USP4: variants seen among roughly 807,000 people sequenced by gnomAD.
The protein encoded by USP4 is ubiquitin carboxyl-terminal hydrolase 4.
In USP4, 72 loss-of-function variants were observed where a neutral mutation model predicts 118.2. The ratio of observed to expected loss-of-function variants is 0.61; its 90% confidence interval spans 0.50 to 0.74. USP4 has a LOEUF of 0.74. USP4 is among the 30% of genes least tolerant of loss of function. USP4 has a pLI of 0.00. For synonymous variants in USP4, 415 were observed against 440.4 expected, an observed-to-expected ratio of 0.94 and a Z score of 0.72; for missense variants, 1,037 against 1,185.7, an observed-to-expected ratio of 0.87 and a Z score of 1.84.
intron 18 of USP4, 140 bp downstream of exon 18, chr3:49,284,326 C>CAGAGGATT (rs1414482350): frequency 9.6e-7 from 1 of 1,041,274 alleles, no homozygotes; most frequent in African/African-American, 1.6e-5. Flanking sequence ...CCTCAACTCA[C>CAGAGGATT]AGAGGATTAT....
At chr3:49,286,532 G>C (rs930325501) in intron 15 of USP4, among the ~76,000 whole-genome samples, 1 of 151,940 alleles carries the variant, frequency 6.6e-6, no homozygotes, top group African/African-American at 2.4e-5. Flanking sequence ...GCTATTCCAC[G>C]ATGAGGAGGC....
intron 15 of USP4, among the ~76,000 whole-genome samples, chr3:49,289,592 C>T (rs1346005560): frequency 6.6e-6 from 1 of 152,084 alleles, no homozygotes; most frequent in Non-Finnish European, 1.5e-5. Flanking sequence ...ATATTGAGGC[C>T]GGGTGCAGTA....
At chr3:49,298,372 TGGAA>T (rs1392589991) in intron 12 of USP4, among the ~76,000 whole-genome samples, 176 bp downstream of exon 12, 1 of 152,152 alleles carries the variant, frequency 6.6e-6, no homozygotes, top group East Asian at 1.9e-4. Context: ...TTCCTGGAGC[TGGAA>T]GGGACAGTCT....
Position 49,284,578 on chromosome 3 carries a change from C to T in USP4, c.2278G>A (p.Glu760Lys), listed in dbSNP as rs566756099. 13 of 1,613,804 alleles carry T rather than the reference C, an allele frequency of 8.1e-6. No homozygotes were observed. Among genetic ancestry groups the T allele is most frequent in the South Asian group, 5.5e-5 (5 of 91,072 alleles). The change falls in exon 18 of 22, where the codon GAG becomes AAG. Residue 760 changes from glutamate (E) to lysine (K), a missense_variant. By Grantham distance (56) the Glu-to-Lys change is moderately conservative (BLOSUM62 1). Transcript: ENST00000265560. ...GGCTGCAACATGCTCACATGCTTCT[C>T]GTAGGCCTATGGGAATCAAAGCACT... ...YYDEQESEAYEKHVSMLQPQK... is the reference protein window; with the variant it reads ...YYDEQESEAYKKHVSMLQPQK...
At chr3:49,330,716 G>A (rs2047607922) in intron 2 of USP4, among the ~76,000 whole-genome samples, 4 of 152,022 alleles carry the variant, frequency 2.6e-5, no homozygotes, top group Admixed American at 1.3e-4. Flanking sequence ...GAGGCTGGAG[G>A]CTGGAGGCCG....
At chr3:49,282,751 A>G (rs1365587202) in intron 19 of USP4, among the ~76,000 whole-genome samples, 1 of 148,742 alleles carries the variant, frequency 6.7e-6, no homozygotes, top group East Asian at 2.0e-4. Context: ...TCTGTTGCTG[A>G]GGCTGGAGTG....
At chr3:49,339,189 G>A (rs2047706623) in intron 1 of USP4, among the ~76,000 whole-genome samples, 1 of 152,080 alleles carries the variant, frequency 6.6e-6, no homozygotes, top group Non-Finnish European at 1.5e-5. Context: ...AATCATACTC[G>A]ATGCAAAGTC....
chr3:49,319,502 T>TGCCTCC (rs1330341313), intron 6 of USP4, among the ~76,000 whole-genome samples: 3 of 152,140 alleles, frequency 2.0e-5, no homozygotes, highest in South Asian at 2.1e-4. Flanking sequence ...TGCCTGCCTC[T>TGCCTCC]GCCTCCCAAA....
rs906338884 is a variant in USP4 at position 49,278,182 on chromosome 3, T to C, written c.*111A>G. 11 of 1,187,616 alleles carry C rather than the reference T, an allele frequency of 9.3e-6. No homozygotes were observed. The Admixed American group carries it at 1.1e-4, about 12-fold the overall frequency. 73.6% of individuals were successfully genotyped at this position (1,187,616 alleles called of 1,614,324 possible). On this transcript the variant is annotated 3_prime_UTR_variant, in exon 22 of 22. Transcript: ENST00000265560. Reference sequence around the variant, plus strand: ...TTTCCTTCTGCTCATAAAAGAAGGGTATTTCCTTGTCTGGTTTTTAGACAG... The same window carrying C: ...TTTCCTTCTGCTCATAAAAGAAGGGCATTTCCTTGTCTGGTTTTTAGACAG...
chr3:49,303,438 C>CAAA (rs1173726988), intron 9 of USP4, among the ~76,000 whole-genome samples: 3 of 23,370 alleles, frequency 1.3e-4, no homozygotes, highest in African/African-American at 1.6e-4. Context: ...AAGGCTGTCT[C>CAAA]AAAAAAAAAA....
At chr3:49,303,923 T>C (rs999601290) in intron 9 of USP4, among the ~76,000 whole-genome samples, 3 of 152,052 alleles carry the variant, frequency 2.0e-5, no homozygotes, top group African/African-American at 7.2e-5. Flanking sequence ...TGGCTAATTT[T>C]TGTATTTTTA....
At chr3:49,328,171 A>G (rs1003806872) in intron 2 of USP4, among the ~76,000 whole-genome samples, 2 of 152,094 alleles carry the variant, frequency 1.3e-5, no homozygotes, top group African/African-American at 4.8e-5. Context: ...CAGCCTGGCC[A>G]ACATGGTGAA....
rs759987082 is a variant in USP4 at position 49,336,056 on chromosome 3, GT to G, written c.102-461del. On this transcript the variant is annotated intron_variant, in intron 1 of 21. Transcript: ENST00000265560. ...TTTTTGTATTTTTAGTAGAGACGGGGTTTCACCATGTTGGGCAGGCTGGTCT... is the reference window on the plus strand; with the variant it reads ...TTTTTGTATTTTTAGTAGAGACGGGGTTCACCATGTTGGGCAGGCTGGTCT... 5.3e-5 allele frequency among the ~76,000 whole-genome samples: 8 copies of G among 151,226 alleles called. 1 individual carries two copies. Among genetic ancestry groups the G allele is most frequent in the African/African-American group, 7.3e-5 (3 of 41,134 alleles).
intron 7 of USP4, 123 bp downstream of exon 7, chr3:49,311,391 G>A: frequency 2.8e-6 from 3 of 1,056,676 alleles, no homozygotes; most frequent in Non-Finnish European, 4.1e-6. Context: ...GAAACTACAT[G>A]TAGCATGTTC....
chr3:49,335,307 TC>T (rs2047657383), intron 2 of USP4, among the ~76,000 whole-genome samples, 161 bp downstream of exon 2: 1 of 152,204 alleles, frequency 6.6e-6, no homozygotes. Context: ...GCTTAACTTC[TC>T]ATTAAGGGTT....
intron 3 of USP4, 123 bp from the exon 4 acceptor site, chr3:49,325,968 A>G: frequency 8.1e-7 from 1 of 1,227,428 alleles, no homozygotes; most frequent in Non-Finnish European, 1.1e-6. Context: ...TTACTGATCA[A>G]GGGATCAAAA....
At chr3:49,282,777 G>A (rs1054530113) in intron 19 of USP4, among the ~76,000 whole-genome samples, 16 of 151,360 alleles carry the variant, frequency 1.1e-4, no homozygotes, top group Non-Finnish European at 2.2e-4. Flanking sequence ...GCACAATCTT[G>A]GCTCACTGCA....
At chr3:49,290,115 CA>C (rs2047137399) in intron 15 of USP4, among the ~76,000 whole-genome samples, 1 of 151,864 alleles carries the variant, frequency 6.6e-6, no homozygotes, top group Non-Finnish European at 1.5e-5. Context: ...CCTAAAATAC[CA>C]AAAATAATTT....
rs139408553 is a variant in USP4, at chr3:49,297,982, C to T, written c.1597-18G>A. On this transcript the variant is annotated intron_variant, in intron 12 of 21. Coordinates refer to ENST00000265560, the MANE Select transcript of USP4 (RefSeq NM_003363.4). ...ACCACCATCTAAGAATGAACAGTAA[C>T]AGAAAGACCACAGAATGGCTAAGAG... 267 of 1,555,474 alleles carry T rather than the reference C, an allele frequency of 1.7e-4. 2 individuals are homozygous for T. The African/African-American group carries it at 2.5e-3, about 15-fold the overall frequency.
Sources: allele counts gnomAD v4.1 joint callset (sites outside exome capture counted in the v4.1 genomes callset), GRCh38; gene constraint gnomAD v4.1.1; transcripts MANE v1.5; gene names NCBI Gene and HGNC (gene_info 2026-07-23, HGNC 2026-07-21).